The following IDO2 variants were observed in gnomAD, a reference collection of about 807,000 sequenced individuals.
The protein encoded by IDO2 is indoleamine 2,3-dioxygenase-like 1 protein.
In IDO2, 46 loss-of-function variants were observed where a neutral mutation model predicts 45.1. That is an observed-to-expected ratio of 1.02 (90% CI 0.80 to 1.30). IDO2 has a LOEUF of 1.30. Ranked by LOEUF, IDO2 falls within the 50% of genes most tolerant of loss-of-function variation. IDO2 has a pLI of 0.00. For synonymous variants in IDO2, 218 were observed against 184.9 expected, an observed-to-expected ratio of 1.18 and a Z score of -1.45; for missense variants, 544 against 491.8, an observed-to-expected ratio of 1.11 and a Z score of -1.00.
At chr8:39,941,762 T>C (rs560469972) in intron 1 of IDO2, among the ~76,000 whole-genome samples, 2 of 151,676 alleles carry the variant, frequency 1.3e-5, no homozygotes, top group South Asian at 2.1e-4. Flanking sequence ...GTTCAAACAA[T>C]AGGAAAGAAA....
At position 40,013,019 on chromosome 8, in the gene IDO2, T is replaced by G. The variant is rs553053928; in HGVS notation, c.720-546T>G. On this transcript the variant is annotated intron_variant, in intron 9 of 10. Transcript: ENST00000502986. The stretch of plus-strand genomic sequence containing the variant: ...TTGAGTAATATCCAGAATTGGTAGT[T>G]TAACGTGATGACTTCTTAACAATTA... 9.2e-5 allele frequency among the ~76,000 whole-genome samples: 14 copies of G among 152,306 alleles called. 1 individual carries two copies. The South Asian group carries it at 2.9e-3, about 32-fold the overall frequency.
intron 3 of IDO2, 72 bp from the exon 4 acceptor site, chr8:39,978,995 C>A: frequency 1.4e-6 from 2 of 1,465,144 alleles, no homozygotes; most frequent in Non-Finnish European, 9.3e-7. Context: ...CATCCCAGGT[C>A]CCCGGCCCCC....
At chr8:40,004,537 A>AGAT (rs1554549484) in intron 8 of IDO2, among the ~76,000 whole-genome samples, 2 of 151,220 alleles carry the variant, frequency 1.3e-5, no homozygotes, top group African/African-American at 4.9e-5. Context: ...ATAGATAGAT[A>AGAT]GATAGATAGA....
chr8:39,998,610 C>A (rs1802085942), intron 8 of IDO2: 1 of 151,396 alleles, frequency 6.6e-6, no homozygotes, highest in Non-Finnish European at 1.5e-5. Flanking sequence ...ACTCCCCTCC[C>A]TCCCATGTTA....
At chr8:40,011,049 TA>T (rs1292717073) in intron 9 of IDO2, among the ~76,000 whole-genome samples, 21 of 152,180 alleles carry the variant, frequency 1.4e-4, no homozygotes, top group African/African-American at 4.1e-4. Flanking sequence ...TAGCTGGGAC[TA>T]CAGGTGTGCA....
chr8:39,965,033 T>C (rs1808064129), intron 3 of IDO2, among the ~76,000 whole-genome samples: 1 of 152,258 alleles, frequency 6.6e-6, no homozygotes, highest in South Asian at 2.1e-4. Flanking sequence ...TGAGGTCGTC[T>C]GCCGTAGGCA....
intron 9 of IDO2, among the ~76,000 whole-genome samples, chr8:40,008,110 G>A (rs1230861040): frequency 3.4e-5 from 5 of 145,438 alleles, no homozygotes; most frequent in Non-Finnish European, 5.9e-5. Flanking sequence ...GCAGTGGCAC[G>A]ATCTCGGCTC....
intron 8 of IDO2, among the ~76,000 whole-genome samples, chr8:39,996,505 A>G (rs1274309660): frequency 6.6e-6 from 1 of 151,880 alleles, no homozygotes; most frequent in Non-Finnish European, 1.5e-5. Flanking sequence ...CTAATAAATA[A>G]CAGCTCAATC....
chr8:39,997,025 A>C (rs899725954), intron 8 of IDO2, among the ~76,000 whole-genome samples: 1 of 152,230 alleles, frequency 6.6e-6, no homozygotes, highest in Admixed American at 6.5e-5. Context: ...GCTGCTGCTC[A>C]AGCTATGAAT....
intron 9 of IDO2, 31 bp from the exon 10 acceptor site, chr8:40,013,534 C>T (rs1260457444): frequency 6.2e-7 from 1 of 1,602,832 alleles, no homozygotes; most frequent in Non-Finnish European, 8.5e-7. Context: ...CCCTGCACCC[C>T]TTTCATCTCT....
At chr8:39,985,895 A>G (rs1808414867) in intron 6 of IDO2, 1 of 166,516 alleles carries the variant, frequency 6.0e-6, no homozygotes, top group Non-Finnish European at 1.3e-5. Context: ...CAGTGGTGTG[A>G]TCTCGGCTCA....
At chr8:39,939,294 C>CCCAG (rs1807607102) in intron 1 of IDO2, among the ~76,000 whole-genome samples, 1 of 148,168 alleles carries the variant, frequency 6.7e-6, no homozygotes, top group African/African-American at 2.5e-5. Flanking sequence ...CACCTGTAAT[C>CCCAG]CCAGCACTTT....
intron 4 of IDO2, among the ~76,000 whole-genome samples, chr8:39,981,833 C>T (rs537897628): frequency 4.4e-4 from 67 of 152,264 alleles, no homozygotes; most frequent in African/African-American, 1.4e-3. Context: ...AATCTAGACT[C>T]GTTCAGCCTT....
At chr8:39,953,049 T>G (rs1043918873) in intron 2 of IDO2, among the ~76,000 whole-genome samples, 1 of 152,060 alleles carries the variant, frequency 6.6e-6, no homozygotes, top group East Asian at 1.9e-4. Context: ...ATTACAGCCA[T>G]GAACCACTGC....
exon 1 of IDO2, chr8:39,935,188 A>G (rs1374333683): frequency 6.2e-7 from 1 of 1,613,548 alleles, no homozygotes; most frequent in Non-Finnish European, 8.5e-7. Context: ...CCACCAGGCC[A>G]CCACAAGAAT....
intron 1 of IDO2, among the ~76,000 whole-genome samples, chr8:39,945,474 T>C (rs1201725786): frequency 6.6e-6 from 1 of 152,178 alleles, no homozygotes; most frequent in African/African-American, 2.4e-5. Flanking sequence ...CCAGAACCAC[T>C]GCATGTTTGG....
At chr8:40,013,608 G>A (rs1259861066) in exon 10 of IDO2, 1 of 1,613,860 alleles carries the variant, frequency 6.2e-7, no homozygotes, top group Admixed American at 1.7e-5. Context: ...GATGTATGAA[G>A]GAGTTTCCCA....
At chr8:39,974,150 G>A (rs72630527) in intron 3 of IDO2, among the ~76,000 whole-genome samples, 7,151 of 152,218 alleles carry the variant, frequency 0.047, 223 homozygotes, top group Middle Eastern at 0.13. Flanking sequence ...TTCATGACAT[G>A]TTATAAAACC....
At chr8:39,952,416 G>T (rs1468040076) in intron 2 of IDO2, among the ~76,000 whole-genome samples, 1 of 152,164 alleles carries the variant, frequency 6.6e-6, no homozygotes, top group Non-Finnish European at 1.5e-5. Flanking sequence ...TCTCACTATA[G>T]ATAGTTACTT....
Sources: gnomAD v4.1 joint callset for allele counts (sites outside exome capture counted in the v4.1 genomes callset) on GRCh38, gnomAD v4.1.1 for gene constraint, MANE v1.5 for transcripts, NCBI Gene and HGNC (gene_info 2026-07-23, HGNC 2026-07-21) for gene names.